The following PARD3 variants were observed in gnomAD, a reference collection of about 807,000 sequenced individuals.
The protein encoded by PARD3 is par-3 family cell polarity regulator, also known as partitioning defective 3 homolog.
A neutral mutation model predicts 155.4 loss-of-function variants in PARD3; 75 were observed. The ratio of observed to expected loss-of-function variants is 0.48; its 90% CI spans 0.40 to 0.58. The LOEUF is 0.58. PARD3 is among the 20% of genes least tolerant of loss of function. The pLI is 0.00. For synonymous variants in PARD3, 576 were observed against 610.5 expected (o/e 0.94, Z 0.83); for missense variants, 1,642 against 1,721.7 (o/e 0.95, Z 0.82).
rs1306472033 is a variant in PARD3 at position 34,111,181 on chromosome 10, G to A, written c.4050C>T (p.Pro1350=). 1 of 1,552,782 alleles carries A rather than the reference G, an allele frequency of 6.4e-7. No individual in the cohort carries two copies. Among genetic ancestry groups the A allele is most frequent in the Non-Finnish European group, 8.7e-7 (1 of 1,147,276 alleles). ...NRLQTPEKGR[P]FYS ...GTTATTTGCGTGCTCAGGAATAGAA[G>A]GGCCTCCCTTTCTCAGGAGTCTGAA... Residue 1350 remains proline, a synonymous_variant, in exon 25 of 25, where the codon CCC becomes CCT. Transcript: ENST00000374788.
At position 34,284,232 on chromosome 10, in the gene PARD3, G is replaced by C. The variant is rs201444228; in HGVS notation, c.3079C>G (p.Arg1027Gly). Residue 1027 changes from arginine to glycine, a missense_variant, in exon 21 of 25, where the codon CGA (arginine) becomes GGA (glycine). Coordinates refer to ENST00000374788, the MANE Select transcript of PARD3 (RefSeq NM_001184785.2). ...LGDMFRFGKH[R>G]KDDKIEKTGK... is the part of the protein sequence containing the mutation. ...GTTTTCTCAATCTTGTCATCTTTTCGATGTTTGCCAAACCTGTTAATAACA... is the reference window on the plus strand; with the variant it reads ...GTTTTCTCAATCTTGTCATCTTTTCCATGTTTGCCAAACCTGTTAATAACA... 43 of 1,603,692 alleles carry C rather than the reference G, an allele frequency of 2.7e-5. No homozygotes were observed. Among genetic ancestry groups the C allele is most frequent in the Non-Finnish European group, 5.1e-6 (6 of 1,174,522 alleles).
intron 15 of PARD3, chr10:34,344,877 AGT>A (rs1357237130): frequency 1.7e-5 from 17 of 985,202 alleles, no homozygotes; most frequent in Non-Finnish European, 2.0e-5. Flanking sequence ...AAGTACAGAA[AGT>A]GTGCAACTTC....
chr10:34,403,787 C>T (rs1370187178), intron 5 of PARD3, among the ~76,000 whole-genome samples: 1 of 152,198 alleles, frequency 6.6e-6, no homozygotes, highest in Non-Finnish European at 1.5e-5. Flanking sequence ...GGAATGTAAA[C>T]ACGAACTCCC....
chr10:34,165,511 C>T (rs1000085672), intron 22 of PARD3, among the ~76,000 whole-genome samples: 9 of 152,158 alleles, frequency 5.9e-5, no homozygotes, highest in Non-Finnish European at 1.2e-4. Context: ...TGTCCTCGTG[C>T]CCCAAGAGGA....
chr10:34,376,178 TAGA>T (rs1457713587), intron 10 of PARD3, among the ~76,000 whole-genome samples: 2 of 152,202 alleles, frequency 1.3e-5, no homozygotes, highest in African/African-American at 4.8e-5. Context: ...CTGTAGATAC[TAGA>T]AGGTTGGGCT....
intron 2 of PARD3, among the ~76,000 whole-genome samples, chr10:34,678,108 C>CA (rs2093744529): frequency 6.6e-6 from 1 of 152,060 alleles, no homozygotes; most frequent in South Asian, 2.1e-4. Context: ...GGGTCTCACT[C>CA]AGTCACCAAG....
intron 1 of PARD3, among the ~76,000 whole-genome samples, chr10:34,785,918 G>C (rs7907833): frequency 0.35 from 53,634 of 151,856 alleles, 10,609 homozygotes; most frequent in African/African-American, 0.55. Flanking sequence ...TTGTATGTTC[G>C]CCTGAAAATG....
intron 21 of PARD3, among the ~76,000 whole-genome samples, chr10:34,278,215 T>TAA (rs5784405): frequency 1.3e-5 from 2 of 151,064 alleles, no homozygotes; most frequent in African/African-American, 2.4e-5. Context: ...CCCTGCTAAT[T>TAA]AAAAAAAATA....
intron 2 of PARD3, among the ~76,000 whole-genome samples, chr10:34,644,632 C>G (rs1359355774): frequency 1.3e-5 from 2 of 152,316 alleles, no homozygotes; most frequent in East Asian, 3.9e-4. Flanking sequence ...TTGACAGTCT[C>G]ACTCTCATTT....
intron 15 of PARD3, chr10:34,344,409 A>G: frequency 1.8e-6 from 1 of 543,588 alleles, no homozygotes; most frequent in South Asian, 8.1e-5. Flanking sequence ...CAGCCTCCCC[A>G]GTAGGTGGGA....
chr10:34,322,346 G>A (rs1055378461), intron 19 of PARD3, among the ~76,000 whole-genome samples: 1 of 152,282 alleles, frequency 6.6e-6, no homozygotes, highest in South Asian at 2.1e-4. Context: ...GCAGAAAAAT[G>A]TTGGGTCTTT....
At chr10:34,601,828 T>C (rs1163815958) in intron 2 of PARD3, among the ~76,000 whole-genome samples, 1 of 152,218 alleles carries the variant, frequency 6.6e-6, no homozygotes, top group East Asian at 1.9e-4. Context: ...GGACTTTTTA[T>C]GTGTGCTTAA....
intron 2 of PARD3, among the ~76,000 whole-genome samples, chr10:34,611,810 T>C (rs2090914520): frequency 1.7e-5 from 2 of 119,898 alleles, no homozygotes; most frequent in Admixed American, 7.5e-5. Flanking sequence ...TTTCTTTCTT[T>C]TTTTTTTTTT....
chr10:34,275,494 C>T (rs533402257), intron 21 of PARD3, among the ~76,000 whole-genome samples: 18 of 152,266 alleles, frequency 1.2e-4, no homozygotes, highest in African/African-American at 4.1e-4. Context: ...TAAGCATGCA[C>T]TGTGATTTTC....
chr10:34,693,051 C>A (rs1320962481), intron 2 of PARD3, among the ~76,000 whole-genome samples: 3 of 152,080 alleles, frequency 2.0e-5, no homozygotes, highest in Non-Finnish European at 4.4e-5. Context: ...AACAATACAT[C>A]CGTGTCGCGT....
In PARD3 at chr10:34,396,237, C is replaced by G. The variant is rs117745412; in HGVS notation, c.890+3093G>C. Among the ~76,000 whole-genome samples, 407 of 152,162 alleles carry G rather than the reference C, an allele frequency of 2.7e-3. 9 individuals are homozygous for G. The East Asian group carries it at 0.069, about 26-fold the overall frequency. On this transcript the variant is annotated intron_variant, in intron 7 of 24. Coordinates refer to ENST00000374788, the MANE Select transcript of PARD3 (RefSeq NM_001184785.2). ...TGGTAGCATATGCCTGTAGTCCCAG[C>G]TTCTAGGAAGGCTGATGCAGGAGAA...
In PARD3 at chr10:34,261,781, AAAAG is replaced by A. The variant is rs1158080569; in HGVS notation, c.3419+7872_3419+7875del. ...GAAAGGAAGGAAGGAAGAAAGAAAGAAAAGAAAGAAAGAAAGAAAGAAAGAAAGA... is the reference window on the plus strand; with the variant it reads ...GAAAGGAAGGAAGGAAGAAAGAAAGAAAAGAAAGAAAGAAAGAAAGAAAGA... On this transcript the variant is annotated intron_variant, in intron 22 of 24. Transcript: ENST00000374788. Among the ~76,000 whole-genome samples the A allele has an allele frequency of 5.7e-3, 753 of 132,016 alleles. 9 individuals are homozygous for A. Among genetic ancestry groups the A allele is most frequent in the East Asian group, 0.022 (101 of 4,576 alleles). The allele number at this position is 132,016 out of a possible 152,430, so 86.6% of individuals were successfully genotyped here.
intron 2 of PARD3, among the ~76,000 whole-genome samples, chr10:34,548,150 T>C (rs892377874): frequency 6.6e-6 from 1 of 152,186 alleles, no homozygotes; most frequent in Admixed American, 6.5e-5. Context: ...CTTTCTCTCT[T>C]CATTTGTCCG....
At chr10:34,510,673 T>C (rs558824651) in intron 3 of PARD3, among the ~76,000 whole-genome samples, 2 of 152,116 alleles carry the variant, frequency 1.3e-5, no homozygotes, top group African/African-American at 4.8e-5. Flanking sequence ...AAGAAGTGCC[T>C]TGAGTGTGTG....
Sources: allele counts gnomAD v4.1 joint callset (sites outside exome capture counted in the v4.1 genomes callset), GRCh38; gene constraint gnomAD v4.1.1; transcripts MANE v1.5; gene names NCBI Gene and HGNC (gene_info 2026-07-23, HGNC 2026-07-21).